Variants in BSPH1 observed in about 807,000 individuals in gnomAD.
BSPH1 encodes the protein binder of sperm 1.
In BSPH1, 21 loss-of-function variants were observed where a neutral mutation model predicts 22.5. The ratio of observed to expected loss-of-function variants is 0.93; its 90% CI spans 0.66 to 1.35. The LOEUF is 1.35. Among genes scored for constraint, BSPH1 ranks in the 40% most tolerant of loss-of-function variants. BSPH1 has a pLI of 0.00. For missense variants in BSPH1, 141 were observed against 154.2 expected (o/e 0.91, Z 0.45); for synonymous variants, 42 against 53.6 (o/e 0.78, Z 0.95).
At chr19:47,984,080 C>T (rs1969445256) in intron 1 of BSPH1, among the ~76,000 whole-genome samples, 1 of 150,578 alleles carries the variant, frequency 6.6e-6, no homozygotes, top group Admixed American at 6.6e-5. Context: ...CTCCTGACCT[C>T]AGGTGATCCA....
rs57655745 is a variant in BSPH1, at chr19:47,983,841, A to ATTT, written c.74-2903_74-2901dup. ...AACTCCATAAGGGCTTTGAAGAGAA[A>ATTT]TTTTTTTTTTTTTGACACGGAGTCT... is the stretch of plus-strand genomic sequence containing the variant. On this transcript the variant is annotated intron_variant, in intron 1 of 5. Coordinates refer to ENST00000344839, the MANE Select transcript of BSPH1 (RefSeq NM_001128326.2). Among the ~76,000 whole-genome samples the ATTT allele has an allele frequency of 6.6e-3, 984 of 148,058 alleles. 7 individuals carry two copies. The highest frequency in any genetic ancestry group is 5.8e-3 in the Non-Finnish European group (388 of 67,296).
At chr19:47,968,043 A>C (rs1371700092), downstream of BSPH1, 2 of 152,200 alleles carry the variant, frequency 1.3e-5, no homozygotes, top group Non-Finnish European at 2.9e-5. Flanking sequence ...TTTTGCTAGA[A>C]ATGCTGGAGA....
At chr19:47,967,731 C>A (rs1161885547), downstream of BSPH1, among the ~76,000 whole-genome samples, 1 of 152,162 alleles carries the variant, frequency 6.6e-6, no homozygotes, top group African/African-American at 2.4e-5. Flanking sequence ...ATTCCGAGGT[C>A]CTGGGGGTTG....
At chr19:47,976,340 C>T (rs576569389) in intron 5 of BSPH1, among the ~76,000 whole-genome samples, 31 of 151,966 alleles carry the variant, frequency 2.0e-4, no homozygotes, top group African/African-American at 7.5e-4. Flanking sequence ...TATGTTGGTC[C>T]AGGCTGGTCT....
intron 1 of BSPH1, among the ~76,000 whole-genome samples, chr19:47,987,953 A>T (rs1448914399): frequency 6.6e-6 from 1 of 152,070 alleles, no homozygotes; most frequent in Non-Finnish European, 1.5e-5. Flanking sequence ...CTGAGATCAC[A>T]CCACTGCACT....
chr19:47,988,110 A>T (rs1344382827), intron 1 of BSPH1, among the ~76,000 whole-genome samples: 1 of 152,206 alleles, frequency 6.6e-6, no homozygotes, highest in African/African-American at 2.4e-5. Context: ...GGAGGACATT[A>T]TGCTAAGTGA....
chr19:47,977,726 C>T (rs1424696559), intron 3 of BSPH1: 3 of 977,546 alleles, frequency 3.1e-6, no homozygotes, highest in Non-Finnish European at 3.6e-6. Context: ...AGGTTATAAA[C>T]AGTCTCAAAA....
chr19:47,986,787 A>G (rs1969475142), intron 1 of BSPH1, among the ~76,000 whole-genome samples: 1 of 152,116 alleles, frequency 6.6e-6, no homozygotes, highest in Admixed American at 6.5e-5. Flanking sequence ...AATCTAGACA[A>G]AGTACCATAG....
intron 1 of BSPH1, among the ~76,000 whole-genome samples, chr19:47,984,161 A>ATAT (rs1443677923): frequency 8.1e-5 from 11 of 135,766 alleles, no homozygotes; most frequent in African/African-American, 2.6e-4. Flanking sequence ...GAAAAAAAAA[A>ATAT]AAATATATAT....
chr19:47,986,959 A>G (rs2122263644), intron 1 of BSPH1, among the ~76,000 whole-genome samples: 1 of 152,130 alleles, frequency 6.6e-6, no homozygotes, highest in East Asian at 1.9e-4. Flanking sequence ...GCATTCTGTG[A>G]CTTGTGGCAG....
At chr19:47,975,641 G>C (rs891607183) in intron 5 of BSPH1, among the ~76,000 whole-genome samples, 2 of 140,088 alleles carry the variant, frequency 1.4e-5, no homozygotes, top group Non-Finnish European at 3.0e-5. Flanking sequence ...TCTTTATTAA[G>C]GTAATGCATT....
chr19:47,979,699 A>G, intron 2 of BSPH1, 100 bp from the exon 3 acceptor site: 1 of 538,160 alleles, frequency 1.9e-6, no homozygotes, highest in Non-Finnish European at 3.3e-6. Context: ...TTAGTTTAGG[A>G]AAAAGTGATA....
In BSPH1 at chr19:47,992,004, A is replaced by G; in HGVS notation, c.73+5T>C. ...GCATAGGAAGAAATATAGAAAAAGA[A>G]ATACTTAAAATAACAGGGAAGATGC... On this transcript the variant is annotated splice_donor_5th_base_variant and intron_variant, in intron 1 of 5. Transcript: ENST00000344839. 1 of 1,535,908 alleles carries G rather than the reference A, an allele frequency of 6.5e-7. No individual in the cohort carries two copies. Among genetic ancestry groups the G allele is most frequent in the Non-Finnish European group, 8.8e-7 (1 of 1,132,972 alleles).
chr19:47,976,745 AAAATTCTTG>A lies in BSPH1; in HGVS notation c.357_365del (p.Lys120_Phe122del). ...AGTATTTCCAAATTCGGTCCTTGTTAAAATTCTTGGTCAGTGAACACCATTTTTTCCCAA... is the reference window on the plus strand; with the variant it reads ...AGTATTTCCAAATTCGGTCCTTGTTAGTCAGTGAACACCATTTTTTCCCAA... On this transcript the variant is annotated inframe_deletion, in exon 5 of 6. Transcript: ENST00000344839. The A allele has an allele frequency of 3.2e-6, 5 of 1,551,852 alleles. No homozygotes were observed. The highest frequency in any genetic ancestry group is 4.4e-6 in the Non-Finnish European group (5 of 1,146,970).
intron 1 of BSPH1, among the ~76,000 whole-genome samples, chr19:47,988,196 T>C (rs978617014): frequency 1.3e-5 from 2 of 152,212 alleles, no homozygotes; most frequent in Non-Finnish European, 2.9e-5. Flanking sequence ...AAACTCACTC[T>C]GTGAGTATCG....
intron 3 of BSPH1, among the ~76,000 whole-genome samples, chr19:47,978,399 C>A (rs553555233): frequency 2.0e-5 from 3 of 152,256 alleles, no homozygotes; most frequent in South Asian, 2.1e-4. Context: ...CCACTGAGTC[C>A]GGCCTTAACT....
intron 1 of BSPH1, among the ~76,000 whole-genome samples, chr19:47,989,343 A>T (rs1969501662): frequency 6.6e-6 from 1 of 151,656 alleles, no homozygotes; most frequent in Non-Finnish European, 1.5e-5. Context: ...ACGGGGTTTC[A>T]CCATGTTGGC....
At chr19:47,968,467 C>T (rs1261727742) in intron 5 of BSPH1, among the ~76,000 whole-genome samples, 2 of 151,070 alleles carry the variant, frequency 1.3e-5, no homozygotes, top group Non-Finnish European at 2.9e-5. Flanking sequence ...AAATGATTCT[C>T]CTGCCTCAGC....
chr19:47,975,884 T>C (rs1373100640), intron 5 of BSPH1, among the ~76,000 whole-genome samples: 1 of 151,764 alleles, frequency 6.6e-6, no homozygotes, highest in Admixed American at 6.6e-5. Context: ...CTCGATCTCC[T>C]GACCTCGTGA....
Sources: gnomAD v4.1 joint callset for allele counts (sites outside exome capture counted in the v4.1 genomes callset) on GRCh38, gnomAD v4.1.1 for gene constraint, MANE v1.5 for transcripts, NCBI Gene and HGNC (gene_info 2026-07-23, HGNC 2026-07-21) for gene names.